TENM1: variants seen among roughly 807,000 people sequenced by gnomAD.
The protein encoded by TENM1 is teneurin transmembrane protein 1, also known as teneurin-1.
Under a neutral mutation model 174.8 loss-of-function variants are expected in TENM1, and 35 were observed. That is an observed-to-expected ratio of 0.20 (90% CI 0.15 to 0.27). The LOEUF is 0.27. TENM1 is among the 10% of genes least tolerant of loss of function. The probability of loss-of-function intolerance (pLI) is 1.00; values close to 1 mark genes in which losing one functional copy is unlikely to be tolerated. For synonymous variants in TENM1, 781 were observed against 798.7 expected, an observed-to-expected ratio of 0.98 and a Z score of 0.37; for missense variants, 1,633 against 2,130.1, an observed-to-expected ratio of 0.77 and a Z score of 4.59.
the TENM1 span, among the ~76,000 whole-genome samples, chrX:125,068,028 A>T: frequency 8.9e-6 from 1 of 111,888 alleles, no homozygotes; most frequent in Non-Finnish European, 1.9e-5. Context: ...ACACACTCTG[A>T]TTTGCACTGT....
chrX:124,584,688 T>C (rs2049441945), intron 11 of TENM1, among the ~76,000 whole-genome samples: 1 of 110,679 alleles, frequency 9.0e-6, no homozygotes, highest in Admixed American at 9.6e-5. Flanking sequence ...CATAACAATA[T>C]TAACCTTAAA....
chrX:124,954,343 C>G (rs141924171), intron 1 of TENM1, among the ~76,000 whole-genome samples: 1 of 111,107 alleles, frequency 9.0e-6, no homozygotes, highest in East Asian at 2.8e-4. Flanking sequence ...AACATCTACA[C>G]TGCACCACTA....
In TENM1 at chrX:124,861,964, T is replaced by G. The variant is rs767363039; in HGVS notation, c.535+32332A>C. Among the ~76,000 whole-genome samples, 361 of 112,263 alleles carry G rather than the reference T, an allele frequency of 3.2e-3. 1 individual carries two copies. The highest frequency in any genetic ancestry group is 0.011 in the African/African-American group (336 of 30,920). ...ACATGCATTGATTTGGCATATCAAT[T>G]GCAACTATTTCTCCATGCACAAGTT... On this transcript the variant is annotated intron_variant, in intron 3 of 31. Coordinates refer to ENST00000422452, the Ensembl canonical transcript of TENM1.
chrX:124,408,288 G>A (rs980160794), intron 25 of TENM1, among the ~76,000 whole-genome samples: 3 of 81,350 alleles, frequency 3.7e-5, no homozygotes, highest in Non-Finnish European at 5.1e-5. Context: ...GATTACAAAC[G>A]AGTACCACTA....
exon 32 of TENM1, chrX:124,380,530 T>C (rs1312768219): frequency 3.1e-5 from 36 of 1,180,168 alleles, no homozygotes; most frequent in Non-Finnish European, 4.0e-5. Context: ...GGCAGAGATA[T>C]TTTTGTTACC....
At chrX:125,180,419 T>C in the TENM1 span, among the ~76,000 whole-genome samples, 27 of 101,820 alleles carry the variant, frequency 2.7e-4, no homozygotes, top group African/African-American at 8.6e-4. Flanking sequence ...GTCATGCTTG[T>C]AATCCCAGCA....
chrX:125,024,850 G>T, the TENM1 span, among the ~76,000 whole-genome samples: 1 of 111,353 alleles, frequency 9.0e-6, no homozygotes, highest in Non-Finnish European at 1.9e-5. Flanking sequence ...ATGTAAAGCG[G>T]ATCTTTATAT....
the TENM1 span, among the ~76,000 whole-genome samples, chrX:125,016,697 T>C: frequency 9.0e-6 from 1 of 111,431 alleles, no homozygotes; most frequent in Non-Finnish European, 1.9e-5. Flanking sequence ...TTTCTTCACA[T>C]AATTAGAAAA....
intron 11 of TENM1, among the ~76,000 whole-genome samples, chrX:124,590,264 T>A (rs1300721333): frequency 1.8e-5 from 2 of 111,474 alleles, no homozygotes; most frequent in African/African-American, 3.3e-5. Flanking sequence ...CTTAAGCTGA[T>A]AAGCAACTTC....
the TENM1 span, among the ~76,000 whole-genome samples, chrX:125,026,246 A>C: frequency 1.8e-5 from 2 of 111,232 alleles, no homozygotes; most frequent in African/African-American, 3.3e-5. Flanking sequence ...ATACAACAAA[A>C]ATGATAAAAT....
intron 1 of TENM1, among the ~76,000 whole-genome samples, chrX:124,958,263 G>A (rs1276488582): frequency 1.8e-5 from 2 of 111,724 alleles, no homozygotes; most frequent in African/African-American, 6.5e-5. Flanking sequence ...CTGCTGTTTT[G>A]GAAAATAAAG....
At chrX:124,768,103 G>A (rs1177425077) in intron 3 of TENM1, among the ~76,000 whole-genome samples, 1 of 111,546 alleles carries the variant, frequency 9.0e-6, no homozygotes, top group East Asian at 2.8e-4. Context: ...CTGGAGAAGT[G>A]TGAACGTCAA....
chrX:124,621,902 G>A (rs1187651414), intron 11 of TENM1, among the ~76,000 whole-genome samples: 1 of 112,252 alleles, frequency 8.9e-6, no homozygotes, highest in Non-Finnish European at 1.9e-5. Flanking sequence ...GCTTACAACT[G>A]AGCATAGTCT....
At chrX:124,733,838 AC>A (rs960429498) in intron 4 of TENM1, among the ~76,000 whole-genome samples, 1 of 111,988 alleles carries the variant, frequency 8.9e-6, no homozygotes, top group Non-Finnish European at 1.9e-5. Flanking sequence ...GTTTGTACAA[AC>A]ATGCCTAGAT....
chrX:124,388,117 T>C (rs758964891), intron 28 of TENM1, among the ~76,000 whole-genome samples: 3 of 112,003 alleles, frequency 2.7e-5, no homozygotes, highest in Non-Finnish European at 3.8e-5. Context: ...CTTTCCACTC[T>C]CTTCTGTCAA....
chrX:124,697,206 A>G (rs1018704298), intron 5 of TENM1, among the ~76,000 whole-genome samples: 1 of 111,516 alleles, frequency 9.0e-6, no homozygotes, highest in African/African-American at 3.3e-5. Flanking sequence ...GAAGTTAACT[A>G]TAACACAGTA....
the TENM1 span, among the ~76,000 whole-genome samples, chrX:125,124,846 C>T: frequency 8.9e-6 from 1 of 112,183 alleles, no homozygotes; most frequent in Non-Finnish European, 1.9e-5. Flanking sequence ...GTGGAAATAA[C>T]TTCTCAGCCT....
the TENM1 span, among the ~76,000 whole-genome samples, chrX:125,132,921 A>G: frequency 6.2e-5 from 7 of 112,083 alleles, no homozygotes; most frequent in South Asian, 2.3e-3. Context: ...TTATGAAGGT[A>G]AAATATACCT....
intron 5 of TENM1, among the ~76,000 whole-genome samples, chrX:124,674,303 C>CAAAAAA (rs745969451): frequency 6.0e-5 from 1 of 16,624 alleles, no homozygotes; most frequent in African/African-American, 2.1e-4. Flanking sequence ...TATCAAAAGG[C>CAAAAAA]AAAAAAAAAA....
Sources: gnomAD v4.1 joint callset for allele counts (sites outside exome capture counted in the v4.1 genomes callset) on GRCh38, gnomAD v4.1.1 for gene constraint, MANE v1.5 for transcripts, NCBI Gene and HGNC (gene_info 2026-07-23, HGNC 2026-07-21) for gene names.